KIAA1217: variants seen among roughly 807,000 people sequenced by gnomAD.
The protein encoded by KIAA1217 is KIAA1217.
A neutral mutation model predicts 163.9 loss-of-function variants in KIAA1217; 88 were observed. The ratio of observed to expected loss-of-function variants is 0.54; its 90% CI spans 0.45 to 0.64. KIAA1217 has a LOEUF of 0.64. KIAA1217 is among the 30% of genes least tolerant of loss of function. The pLI is 0.00. For synonymous variants in KIAA1217, 903 were observed against 923.1 expected, an observed-to-expected ratio of 0.98 and a Z score of 0.39; for missense variants, 2,372 against 2,475.0, an observed-to-expected ratio of 0.96 and a Z score of 0.88.
At chr10:24,465,202 A>G (rs2062817408) in intron 5 of KIAA1217, among the ~76,000 whole-genome samples, 1 of 152,178 alleles carries the variant, frequency 6.6e-6, no homozygotes, top group Non-Finnish European at 1.5e-5. Context: ...GATTAGATTA[A>G]AAGTCAAGAG....
At chr10:24,497,714 T>G (rs988234858) in intron 8 of KIAA1217, among the ~76,000 whole-genome samples, 2 of 147,248 alleles carry the variant, frequency 1.4e-5, no homozygotes, top group South Asian at 4.4e-4. Flanking sequence ...AGCAAGACCT[T>G]GTCTCAAAAA....
At chr10:24,203,330 A>G (rs1477235357) in intron 2 of KIAA1217, among the ~76,000 whole-genome samples, 1 of 152,182 alleles carries the variant, frequency 6.6e-6, no homozygotes, top group African/African-American at 2.4e-5. Context: ...AAAAGAGGAT[A>G]AAAGATCCTA....
chr10:23,894,314 A>G (rs961327004), intron 1 of KIAA1217, among the ~76,000 whole-genome samples: 11 of 151,990 alleles, frequency 7.2e-5, no homozygotes, highest in African/African-American at 1.7e-4. Context: ...AAATCAATGT[A>G]CAAAAATCAC....
intron 2 of KIAA1217, among the ~76,000 whole-genome samples, chr10:24,288,442 C>A (rs1172617491): frequency 6.6e-6 from 1 of 152,196 alleles, no homozygotes; most frequent in African/African-American, 2.4e-5. Context: ...TTCACCATGC[C>A]TTCAGCAAGC....
rs138680991 is a variant in KIAA1217 at position 24,546,201 on chromosome 10, C to G, written c.5709C>G (p.Ser1903=). Residue 1903 remains serine (S), a synonymous_variant, in exon 21 of 21, where the codon TCC becomes TCG. Transcript: ENST00000376454. ...FSSSPPSPAS[S]VSLNQGAKGT... ...CCTCCCCTCCTTCTCCTGCCTCCTC[C>G]GTCTCACTGAATCAAGGTGCCAAGG... is the stretch of plus-strand genomic sequence containing the variant. The G allele has an allele frequency of 6.2e-7, 1 of 1,614,184 alleles. No homozygotes were observed. Among genetic ancestry groups the G allele is most frequent in the Admixed American group, 1.7e-5 (1 of 60,024 alleles).
At chr10:24,483,730 A>G (rs1444744408) in intron 6 of KIAA1217, among the ~76,000 whole-genome samples, 1 of 152,136 alleles carries the variant, frequency 6.6e-6, no homozygotes, top group East Asian at 1.9e-4. Context: ...GCTGGCCCAT[A>G]ACATGAAGCA....
At chr10:23,864,494 C>A (rs7923500) in intron 1 of KIAA1217, among the ~76,000 whole-genome samples, 1,908 of 145,712 alleles carry the variant, frequency 0.013, 57 homozygotes, top group African/African-American at 0.046. Context: ...TAGATTTTTT[C>A]CATTCTCCTC....
intron 8 of KIAA1217, among the ~76,000 whole-genome samples, chr10:24,495,480 G>C (rs560040232): frequency 1.3e-5 from 2 of 152,300 alleles, no homozygotes; most frequent in East Asian, 3.9e-4. Context: ...CTAGAACTTA[G>C]AATTCAGTGG....
chr10:24,365,182 A>G (rs1385013442), intron 2 of KIAA1217, among the ~76,000 whole-genome samples: 2 of 152,040 alleles, frequency 1.3e-5, no homozygotes, highest in Non-Finnish European at 2.9e-5. Context: ...CCGTTTCTCC[A>G]TATTTCATTT....
intron 1 of KIAA1217, among the ~76,000 whole-genome samples, chr10:23,948,717 C>T (rs1328891631): frequency 1.3e-5 from 2 of 152,096 alleles, no homozygotes; most frequent in Non-Finnish European, 2.9e-5. Flanking sequence ...ATGTATCCCA[C>T]ATACCTAGAA....
intron 2 of KIAA1217, among the ~76,000 whole-genome samples, chr10:24,090,220 G>A (rs1243037880): frequency 5.1e-5 from 7 of 137,316 alleles, no homozygotes; most frequent in Non-Finnish European, 1.1e-4. Context: ...AGGCTGGAGT[G>A]CAGTGGCATG....
intron 3 of KIAA1217, among the ~76,000 whole-genome samples, chr10:24,414,239 G>C (rs2058046654): frequency 6.6e-6 from 1 of 152,176 alleles, no homozygotes; most frequent in South Asian, 2.1e-4. Flanking sequence ...ATCTTGTCCT[G>C]TGGAAAGGGG....
At chr10:24,290,654 A>C (rs1157107825) in intron 2 of KIAA1217, among the ~76,000 whole-genome samples, 1 of 144,546 alleles carries the variant, frequency 6.9e-6, no homozygotes, top group Non-Finnish European at 1.5e-5. Context: ...CCCAGGCTGG[A>C]GTGTAGTGGT....
chr10:23,859,141 T>A (rs1377441180), intron 1 of KIAA1217, among the ~76,000 whole-genome samples: 1 of 152,228 alleles, frequency 6.6e-6, no homozygotes, highest in African/African-American at 2.4e-5. Flanking sequence ...TGTATATGTG[T>A]GGGTGTATAC....
chr10:24,083,159 T>C (rs1002499086), intron 2 of KIAA1217, among the ~76,000 whole-genome samples: 2 of 152,218 alleles, frequency 1.3e-5, no homozygotes, highest in African/African-American at 4.8e-5. Context: ...GAGGCACATG[T>C]GAGATACTGA....
intron 9 of KIAA1217, among the ~76,000 whole-genome samples, chr10:24,505,328 G>A (rs777370266): frequency 3.3e-5 from 5 of 151,154 alleles, no homozygotes; most frequent in East Asian, 1.9e-4. Context: ...CCCAAATAAC[G>A]GTTGGGTCTG....
chr10:24,066,070 C>T (rs907327957), intron 2 of KIAA1217, among the ~76,000 whole-genome samples: 9 of 152,194 alleles, frequency 5.9e-5, no homozygotes, highest in African/African-American at 2.2e-4. Flanking sequence ...GAATACAGCA[C>T]ACTGATGAGT....
At chr10:24,404,926 A>G (rs1456846904) in intron 3 of KIAA1217, among the ~76,000 whole-genome samples, 1 of 152,232 alleles carries the variant, frequency 6.6e-6, no homozygotes, top group African/African-American at 2.4e-5. Context: ...CATTGTTGAG[A>G]TAAAATTATA....
chr10:23,789,388 T>G (rs1461454851), intron 1 of KIAA1217, among the ~76,000 whole-genome samples: 2 of 152,212 alleles, frequency 1.3e-5, no homozygotes, highest in Non-Finnish European at 1.5e-5. Context: ...TCGTGCAGAA[T>G]CTGCCATGAA....
Sources: gnomAD v4.1 joint callset for allele counts (sites outside exome capture counted in the v4.1 genomes callset) on GRCh38, gnomAD v4.1.1 for gene constraint, MANE v1.5 for transcripts, NCBI Gene and HGNC (gene_info 2026-07-23, HGNC 2026-07-21) for gene names.